The following DDX27 variants were observed in gnomAD, a reference collection of about 807,000 sequenced individuals.
The protein encoded by DDX27 is DEAD-box helicase 27, also known as probable ATP-dependent RNA helicase DDX27.
DDX27 carries 42 observed loss-of-function variants against 99.3 expected under a neutral mutation model. The observed-to-expected ratio is 0.42, with a 90% CI of 0.33 to 0.55. DDX27 has a LOEUF of 0.55. DDX27 is among the 20% of genes least tolerant of loss of function. The pLI, the probability that DDX27 is intolerant of heterozygous loss-of-function variation, is 0.07. For synonymous variants in DDX27, 329 were observed against 353.8 expected (o/e 0.93, Z 0.79); for missense variants, 798 against 976.8 (o/e 0.82, Z 2.44).
At chr20:49,220,032 T>C (rs778301334) in intron 1 of DDX27, among the ~76,000 whole-genome samples, 1 of 152,106 alleles carries the variant, frequency 6.6e-6, no homozygotes, top group African/African-American at 2.4e-5. Context: ...CATTAAGCAG[T>C]ATGGCAATTA....
At chr20:49,223,546 G>T in intron 4 of DDX27, 113 bp downstream of exon 4, 1 of 1,016,714 alleles carries the variant, frequency 9.8e-7, no homozygotes. Flanking sequence ...AAGCTGTTCT[G>T]CCTACTACAT....
intron 2 of DDX27, 34 bp downstream of exon 2, chr20:49,221,632 T>C (rs764812326): frequency 1.9e-6 from 3 of 1,547,174 alleles, no homozygotes; most frequent in Non-Finnish European, 2.6e-6. Context: ...CTCCAGACTT[T>C]GGGCTATTAA....
At chr20:49,237,684 A>C (rs1410497164) in intron 14 of DDX27, among the ~76,000 whole-genome samples, 2 of 152,332 alleles carry the variant, frequency 1.3e-5, no homozygotes, top group East Asian at 1.9e-4. Context: ...TGTTAAGGAA[A>C]GGCCTCTGCA....
intron 19 of DDX27, among the ~76,000 whole-genome samples, chr20:49,243,237 G>T (rs1403892833): frequency 6.6e-6 from 1 of 152,130 alleles, no homozygotes; most frequent in Non-Finnish European, 1.5e-5. Context: ...GTACATTGTT[G>T]GGTTCAGAAA....
chr20:49,223,368 G>T lies in DDX27; in HGVS notation c.401G>T (p.Gly134Val). The T allele has an allele frequency of 1.2e-6, 2 of 1,614,030 alleles. No homozygotes were observed. The highest frequency in any genetic ancestry group is 1.7e-6 in the Non-Finnish European group (2 of 1,179,994). Residue 134 changes from glycine (G) to valine (V), a missense_variant, in exon 4 of 21, where the codon GGC becomes GTC. By Grantham distance (109) the Gly-to-Val change is moderately radical (BLOSUM62 -3). Transcript: ENST00000618172. ...GACCTTCAAGAGAATGATGAGGAAG[G>T]CTCAGAAGATGAAGCCTCGGAGACT... ...QEDLQENDEE[G>V]SEDEASETDY...
At chr20:49,225,382 C>A (rs545690841) in intron 6 of DDX27, among the ~76,000 whole-genome samples, 183 bp downstream of exon 6, 40 of 152,098 alleles carry the variant, frequency 2.6e-4, no homozygotes, top group African/African-American at 5.5e-4. Flanking sequence ...ATTGCAGCCA[C>A]CCCTAACTGG....
In DDX27 at chr20:49,223,328, C is replaced by T; in HGVS notation, c.361C>T (p.Pro121Ser). 6.2e-7 allele frequency: 1 copy of T among 1,613,972 alleles called. No homozygotes were observed. Among genetic ancestry groups the T allele is most frequent in the South Asian group, 1.1e-5 (1 of 91,060 alleles). ...KEKEAKEGSEPKEQEDLQEND... is the reference protein window; with the variant it reads ...KEKEAKEGSESKEQEDLQEND... The stretch of plus-strand genomic sequence containing the variant: ...GAAAGAAGCAAAGGAAGGCTCTGAA[C>T]CAAAGGAGCAGGAAGACCTTCAAGA... Residue 121 changes from proline (P) to serine (S), a missense_variant, in exon 4 of 21, where the codon CCA (proline) becomes TCA (serine). Pro to Ser is a moderately conservative substitution (Grantham distance 74). This residue lies in a region of DDX27 where 245 missense variants were observed against 248.8 expected (regional missense o/e 0.98). Coordinates refer to ENST00000618172, the MANE Select transcript of DDX27 (RefSeq NM_017895.8).
intron 14 of DDX27, among the ~76,000 whole-genome samples, chr20:49,237,626 A>G (rs954053612): frequency 4.6e-5 from 7 of 152,186 alleles, no homozygotes; most frequent in Non-Finnish European, 8.8e-5. Flanking sequence ...TAAATAAGCT[A>G]ACAGTAGATG....
In DDX27 at chr20:49,230,100, T is replaced by C. The variant is rs572980312; in HGVS notation, c.881-99T>C. 2.9e-6 allele frequency: 4 copies of C among 1,374,588 alleles called. No individual in the cohort carries two copies. In the East Asian group the frequency reaches 9.8e-5, roughly 34 times the overall value. The allele number at this position is 1,374,588 out of a possible 1,614,324, so 85.1% of individuals were successfully genotyped here. ...GTCAGTCTTACTCTCTCAGTGGTTT[T>C]CTCTGCATCTGGCCTGAGGCCTGGT... On this transcript the variant is annotated intron_variant, in intron 8 of 20. Coordinates refer to ENST00000618172, the MANE Select transcript of DDX27 (RefSeq NM_017895.8).
chr20:49,239,861 G>T (rs1159404102), intron 16 of DDX27, among the ~76,000 whole-genome samples: 2 of 152,178 alleles, frequency 1.3e-5, no homozygotes, highest in African/African-American at 4.8e-5. Flanking sequence ...TGGGGTGTGT[G>T]TTTATATACA....
At chr20:49,239,180 T>C (rs763101916) in intron 15 of DDX27, 56 bp from the exon 16 acceptor site, 13 of 1,581,628 alleles carry the variant, frequency 8.2e-6, no homozygotes, top group Non-Finnish European at 1.0e-5. Flanking sequence ...AGCCCGTGGC[T>C]TCCTGTGTTA....
chr20:49,226,377 G>A, intron 6 of DDX27, 53 bp from the exon 7 acceptor site: 1 of 1,441,426 alleles, frequency 6.9e-7, no homozygotes, highest in Non-Finnish European at 9.6e-7. Context: ...TGTTTGTGTT[G>A]TGCTGAGACT....
In DDX27 at chr20:49,233,651, G is replaced by A. The variant is rs1314591996; in HGVS notation, c.1215G>A (p.Arg405=). ...ACACAGATGTGGCTCCCTTCCTGCG[G>A]CAGGAGTTCATCCGGATCCGGCCTA... The part of the protein sequence containing the change: ...NSNTDVAPFL[R]QEFIRIRPNR... Residue 405 remains arginine, a synonymous_variant, in exon 11 of 21, where the codon CGG becomes CGA. Coordinates refer to ENST00000618172, the MANE Select transcript of DDX27 (RefSeq NM_017895.8). 1 of 1,614,038 alleles carries A rather than the reference G, an allele frequency of 6.2e-7. No homozygotes were observed. The highest frequency in any genetic ancestry group is 2.2e-5 in the East Asian group (1 of 44,878).
intron 1 of DDX27, 82 bp from the exon 2 acceptor site, chr20:49,221,370 G>A (rs1979675353): frequency 6.4e-7 from 1 of 1,550,990 alleles, no homozygotes. Flanking sequence ...TTACAGGTGT[G>A]AGCCACTGTG....
At chr20:49,229,349 T>G (rs996484882) in intron 8 of DDX27, among the ~76,000 whole-genome samples, 2 of 152,054 alleles carry the variant, frequency 1.3e-5, no homozygotes, top group Middle Eastern at 3.2e-3. Context: ...TCATAGTGCT[T>G]TAGGTGGGTG....
intron 16 of DDX27, among the ~76,000 whole-genome samples, chr20:49,241,503 C>T (rs557124586): frequency 6.2e-4 from 94 of 150,656 alleles, no homozygotes; most frequent in Non-Finnish European, 1.2e-3. Context: ...GGCAGGGTCT[C>T]GCTCTGTCGC....
At chr20:49,226,619 G>T in intron 7 of DDX27, 84 bp downstream of exon 7, 1 of 855,568 alleles carries the variant, frequency 1.2e-6, no homozygotes, top group South Asian at 1.9e-5. Context: ...AGGCTGGTTT[G>T]CTAAATAAAT....
At chr20:49,233,140 C>G (rs796718520) in intron 9 of DDX27, among the ~76,000 whole-genome samples, 166 bp from the exon 10 acceptor site, 5 of 152,148 alleles carry the variant, frequency 3.3e-5, no homozygotes, top group African/African-American at 4.8e-5. Context: ...AAAGACAAAG[C>G]AAATGTGGCA....
At chr20:49,235,471 T>C in intron 12 of DDX27, 1 of 175,478 alleles carries the variant, frequency 5.7e-6, no homozygotes, top group Admixed American at 5.9e-5. Flanking sequence ...GAGCATCTAC[T>C]TTGCCAGGCA....
Sources: gnomAD v4.1 joint callset for allele counts (sites outside exome capture counted in the v4.1 genomes callset) on GRCh38, gnomAD v4.1.1 for gene constraint, gnomAD v4.1.1 regional missense constraint, MANE v1.5 for transcripts, NCBI Gene and HGNC (gene_info 2026-07-23, HGNC 2026-07-21) for gene names.